The following ADAMTS12 variants were observed in gnomAD, a reference collection of about 807,000 sequenced individuals.
The protein encoded by ADAMTS12 is A disintegrin and metalloproteinase with thrombospondin motifs 12.
In ADAMTS12, 118 loss-of-function variants were observed where a neutral mutation model predicts 167.8. The observed-to-expected ratio is 0.70, with a 90% CI of 0.61 to 0.82. The LOEUF is 0.82. Ranked by LOEUF, ADAMTS12 falls within the 40% of genes least tolerant of loss-of-function variation. The pLI, the probability that ADAMTS12 is intolerant of heterozygous loss-of-function variation, is 0.00. For synonymous variants in ADAMTS12, 704 were observed against 716.9 expected, an observed-to-expected ratio of 0.98 and a Z score of 0.29; for missense variants, 1,916 against 1,998.8, an observed-to-expected ratio of 0.96 and a Z score of 0.79.
At chr5:33,838,003 C>G (rs1748599868) in intron 2 of ADAMTS12, among the ~76,000 whole-genome samples, 1 of 150,982 alleles carries the variant, frequency 6.6e-6, no homozygotes, top group Non-Finnish European at 1.5e-5. Context: ...CGCTTAACAG[C>G]TCTCATATTT....
intron 16 of ADAMTS12, among the ~76,000 whole-genome samples, chr5:33,600,858 A>C (rs952789025): frequency 3.2e-4 from 48 of 152,326 alleles, no homozygotes; most frequent in African/African-American, 1.1e-3. Flanking sequence ...AATAAGTAGC[A>C]AACATTAACT....
chr5:33,862,177 T>C (rs1185701621), intron 2 of ADAMTS12, among the ~76,000 whole-genome samples: 1 of 151,680 alleles, frequency 6.6e-6, no homozygotes, highest in Non-Finnish European at 1.5e-5. Context: ...ATAACTAAGA[T>C]CAGAGCAGAA....
In ADAMTS12 at chr5:33,523,735, T is replaced by C. The variant is rs907338850; in HGVS notation, c.*3453A>G. ...TTTTGGAGGACAATGATGGGTAGGA[T>C]TGTGCTTTACCCACCATGTTTTTTA... On this transcript the variant is annotated 3_prime_UTR_variant, in exon 24 of 24. Transcript: ENST00000504830. The C allele has an allele frequency of 2.6e-5, 4 of 152,202 alleles. No individual in the cohort carries two copies. The highest frequency in any genetic ancestry group is 9.7e-5 in the African/African-American group (4 of 41,448). 9.4% of individuals were successfully genotyped at this position (152,202 alleles called of 1,614,324 possible). A position where few individuals can be genotyped will look rare whatever the true frequency, so the allele number is the denominator to read the frequency against.
intron 2 of ADAMTS12, among the ~76,000 whole-genome samples, chr5:33,803,353 A>C (rs1747081990): frequency 6.6e-6 from 1 of 152,238 alleles, no homozygotes; most frequent in Admixed American, 6.5e-5. Context: ...TTAGAGAGTC[A>C]ATTAAGTACA....
chr5:33,680,842 C>T (rs1024124043), intron 5 of ADAMTS12, among the ~76,000 whole-genome samples: 11 of 152,130 alleles, frequency 7.2e-5, no homozygotes, highest in African/African-American at 2.7e-4. Context: ...AAGTTAGATA[C>T]AAAATTAGGT....
Position 33,576,854 on chromosome 5 carries a change from T to C in ADAMTS12, c.3172A>G (p.Lys1058Glu), listed in dbSNP as rs1746760286. 2.5e-6 allele frequency: 4 copies of C among 1,614,192 alleles called. No homozygotes were observed. Among genetic ancestry groups the C allele is most frequent in the Non-Finnish European group, 3.4e-6 (4 of 1,180,018 alleles). The change falls in exon 19 of 24, where the codon AAA (lysine) becomes GAA (glutamate). Residue 1058 changes from lysine (K) to glutamate (E), a missense_variant. Transcript: ENST00000504830. ...ISSPSPTTAS[K>E]EGDLGGKQWQ... is the part of the protein sequence containing the mutation. ...TGTTTCCCACCCAGGTCTCCTTCTT[T>C]GGAGGCTGTGGTAGGACTAGGGCTG...
Position 33,684,002 on chromosome 5 carries a change from G to C in ADAMTS12, c.688C>G (p.His230Asp). 2 of 1,608,876 alleles carry C rather than the reference G, an allele frequency of 1.2e-6. No homozygotes were observed. Among genetic ancestry groups the C allele is most frequent in the South Asian group, 1.1e-5 (1 of 90,306 alleles). Residue 230 changes from histidine to aspartate, a missense_variant, in exon 4 of 24, where the codon CAC (histidine) becomes GAC (aspartate). Coordinates refer to ENST00000504830, the MANE Select transcript of ADAMTS12 (RefSeq NM_030955.4). ...GAGAGGCTTCTGCTTGGCAAGTTGT[G>C]CCTCTCCCACTTCTCCCGCCATAGC... ...QELWREKWERHNLPSRSLSRR... is the reference protein window; with the variant it reads ...QELWREKWERDNLPSRSLSRR...
At chr5:33,735,942 T>G (rs1211748554) in intron 3 of ADAMTS12, among the ~76,000 whole-genome samples, 2 of 152,216 alleles carry the variant, frequency 1.3e-5, no homozygotes, top group Non-Finnish European at 2.9e-5. Context: ...ATTAAAAGTG[T>G]TAAACACTAA....
intron 18 of ADAMTS12, among the ~76,000 whole-genome samples, chr5:33,587,378 C>G (rs1747413121): frequency 6.6e-6 from 1 of 152,152 alleles, no homozygotes; most frequent in African/African-American, 2.4e-5. Flanking sequence ...GTGGCATTCT[C>G]CTGAATCAGA....
intron 2 of ADAMTS12, among the ~76,000 whole-genome samples, chr5:33,857,947 A>G (rs1372823635): frequency 6.6e-6 from 1 of 152,348 alleles, no homozygotes; most frequent in South Asian, 2.1e-4. Flanking sequence ...TCAAAAAATG[A>G]CAGAACAACT....
intron 19 of ADAMTS12, among the ~76,000 whole-genome samples, chr5:33,571,376 C>T (rs1446907789): frequency 6.6e-6 from 1 of 151,406 alleles, no homozygotes; most frequent in Non-Finnish European, 1.5e-5. Flanking sequence ...TGTAAAAGAA[C>T]AGAAATTATA....
intron 3 of ADAMTS12, among the ~76,000 whole-genome samples, chr5:33,705,091 G>T (rs575141354): frequency 1.8e-4 from 27 of 151,452 alleles, no homozygotes; most frequent in South Asian, 6.3e-4. Flanking sequence ...AAAGTCCATT[G>T]TATGATTCAT....
intron 2 of ADAMTS12, among the ~76,000 whole-genome samples, chr5:33,788,218 G>T (rs1171321923): frequency 1.3e-5 from 2 of 152,154 alleles, no homozygotes; most frequent in African/African-American, 2.4e-5. Flanking sequence ...ATGAAATAAT[G>T]TATGTCCTCT....
At chr5:33,888,794 CG>C (rs1423884536) in intron 1 of ADAMTS12, among the ~76,000 whole-genome samples, 3 of 152,168 alleles carry the variant, frequency 2.0e-5, no homozygotes, top group Non-Finnish European at 4.4e-5. Flanking sequence ...TAATATTTCC[CG>C]TTGTTCTGAT....
At chr5:33,536,267 C>T (rs113208967) in intron 22 of ADAMTS12, among the ~76,000 whole-genome samples, 4,750 of 152,306 alleles carry the variant, frequency 0.031, 269 homozygotes, top group African/African-American at 0.11. Context: ...TCCCAAGTAG[C>T]TGGGACTACA....
At chr5:33,722,519 G>C (rs1743841322) in intron 3 of ADAMTS12, among the ~76,000 whole-genome samples, 1 of 152,212 alleles carries the variant, frequency 6.6e-6, no homozygotes, top group Non-Finnish European at 1.5e-5. Context: ...GGTTAGAGGT[G>C]AGGCTGAAAT....
At chr5:33,534,424 C>T (rs985447899) in intron 23 of ADAMTS12, among the ~76,000 whole-genome samples, 2 of 152,160 alleles carry the variant, frequency 1.3e-5, no homozygotes, top group Non-Finnish European at 2.9e-5. Flanking sequence ...TTCTGGGGGA[C>T]CTGGCCTAAT....
At chr5:33,544,068 A>G (rs1413085960) in intron 22 of ADAMTS12, among the ~76,000 whole-genome samples, 1 of 152,232 alleles carries the variant, frequency 6.6e-6, no homozygotes, top group South Asian at 2.1e-4. Flanking sequence ...GAGTAAGTCA[A>G]ATTGTCCCTG....
chr5:33,743,845 C>G (rs752530377), intron 3 of ADAMTS12, among the ~76,000 whole-genome samples: 6 of 152,144 alleles, frequency 3.9e-5, no homozygotes, highest in Non-Finnish European at 8.8e-5. Flanking sequence ...CCTCAGGCCA[C>G]AAGTCACAAC....
Sources: allele counts gnomAD v4.1 joint callset (sites outside exome capture counted in the v4.1 genomes callset), GRCh38; gene constraint gnomAD v4.1.1; transcripts MANE v1.5; gene names NCBI Gene and HGNC (gene_info 2026-07-23, HGNC 2026-07-21).